Variants in GATAD2B observed in about 807,000 individuals in gnomAD.
GATAD2B encodes the protein transcriptional repressor p66-beta.
In GATAD2B, 8 loss-of-function variants were observed where a neutral mutation model predicts 64.3. That is an observed-to-expected ratio of 0.12 (90% CI 0.07 to 0.22). The LOEUF (loss-of-function observed/expected upper bound fraction) is 0.22, where lower values mean the gene tolerates loss of function less well. Ranked by LOEUF, GATAD2B falls within the 10% of genes least tolerant of loss-of-function variation. GATAD2B has a pLI of 1.00. For synonymous variants in GATAD2B, 281 were observed against 271.3 expected, an observed-to-expected ratio of 1.04 and a Z score of -0.35; for missense variants, 453 against 752.0, an observed-to-expected ratio of 0.60 and a Z score of 4.65.
chr1:153,832,987 G>A (rs1675130435), intron 1 of GATAD2B, among the ~76,000 whole-genome samples: 1 of 152,178 alleles, frequency 6.6e-6, no homozygotes, highest in African/African-American at 2.4e-5. Flanking sequence ...AATATGGCTG[G>A]TGACTTTAAA....
intron 1 of GATAD2B, among the ~76,000 whole-genome samples, chr1:153,888,714 A>C (rs1286824386): frequency 1.3e-5 from 2 of 152,168 alleles, no homozygotes; most frequent in Non-Finnish European, 2.9e-5. Flanking sequence ...GTTTCTAAGC[A>C]CTTGAGTTCT....
chr1:153,919,859 T>C (rs1031039823), intron 1 of GATAD2B, among the ~76,000 whole-genome samples: 2 of 152,210 alleles, frequency 1.3e-5, no homozygotes, highest in Non-Finnish European at 1.5e-5. Flanking sequence ...TGCCTTGATA[T>C]GTAATAATGC....
intron 1 of GATAD2B, among the ~76,000 whole-genome samples, chr1:153,870,834 T>C (rs920465693): frequency 2.0e-5 from 3 of 152,186 alleles, no homozygotes; most frequent in Admixed American, 1.3e-4. Context: ...GTTTCAGGCA[T>C]TTTAGATAAG....
rs1674239196 is a variant in GATAD2B, at chr1:153,810,010, G to A, written c.*167C>T. 1.6e-6 allele frequency: 1 copy of A among 624,848 alleles called. No individual in the cohort carries two copies. 38.7% of individuals were successfully genotyped at this position (624,848 alleles called of 1,614,324 possible). ...GAAATAAAGGGGAGGTGGCAGGGCA[G>A]GGCGTGTGTTTTCTTGCTGATCTCT... On this transcript the variant is annotated 3_prime_UTR_variant, in exon 11 of 11. Coordinates refer to ENST00000368655, the MANE Select transcript of GATAD2B (RefSeq NM_020699.4).
chr1:153,816,240 C>T lies in GATAD2B; in HGVS notation c.1216+33G>A. On this transcript the variant is annotated intron_variant, in intron 7 of 10. Transcript: ENST00000368655. The surrounding 1 kb of genome is among the most constrained non-coding windows in gnomAD (Gnocchi z 4.9). ...GTCAATCAGGCTTGGCAACCACTTGCTTAAATAGATTGATTAGAAGAAACA... is the reference window on the plus strand; with the variant it reads ...GTCAATCAGGCTTGGCAACCACTTGTTTAAATAGATTGATTAGAAGAAACA... 1 of 1,478,632 alleles carries T rather than the reference C, an allele frequency of 6.8e-7. No homozygotes were observed. The highest frequency in any genetic ancestry group is 9.4e-7 in the Non-Finnish European group (1 of 1,061,564). 91.6% of individuals were successfully genotyped at this position (1,478,632 alleles called of 1,614,324 possible).
intron 1 of GATAD2B, among the ~76,000 whole-genome samples, chr1:153,885,601 C>T (rs1172433729): frequency 6.6e-6 from 1 of 151,832 alleles, no homozygotes; most frequent in Non-Finnish European, 1.5e-5. Flanking sequence ...GGCGCGGTGG[C>T]TCATGCCTGT....
At chr1:153,855,179 T>C (rs903302386) in intron 1 of GATAD2B, among the ~76,000 whole-genome samples, 20 of 152,172 alleles carry the variant, frequency 1.3e-4, no homozygotes, top group Non-Finnish European at 2.6e-4. Flanking sequence ...AATAGGAGAT[T>C]GTCCGTATTT....
chr1:153,820,614 C>A (rs571064599), intron 2 of GATAD2B, among the ~76,000 whole-genome samples: 1 of 152,098 alleles, frequency 6.6e-6, no homozygotes, highest in African/African-American at 2.4e-5. Context: ...AGGTCGAGGG[C>A]AATTGTTCTT....
intron 1 of GATAD2B, chr1:153,852,880 T>C: frequency 1.3e-6 from 1 of 774,582 alleles, no homozygotes; most frequent in South Asian, 1.5e-5. Flanking sequence ...GAGCTCTGAT[T>C]TGGTGAGCGC....
At chr1:153,822,153 C>T (rs1168487234) in intron 2 of GATAD2B, among the ~76,000 whole-genome samples, 2 of 151,814 alleles carry the variant, frequency 1.3e-5, no homozygotes, top group East Asian at 3.9e-4. Flanking sequence ...TACACTCCAG[C>T]CTGGGTGACA....
chr1:153,810,539 C>G (rs1278948121), intron 10 of GATAD2B, among the ~76,000 whole-genome samples: 1 of 152,170 alleles, frequency 6.6e-6, no homozygotes, highest in African/African-American at 2.4e-5. Context: ...CCGCTCACCT[C>G]TGCCTCCCAG....
At chr1:153,820,974 ATTTTTTTTTTTTTTTTTTTT>A (rs869096882) in intron 2 of GATAD2B, among the ~76,000 whole-genome samples, 1 of 50,840 alleles carries the variant, frequency 2.0e-5, no homozygotes, top group African/African-American at 8.7e-5. Context: ...GGCACATGGA[ATTTTTTTTTTTTTTTTTTTT>A]TTTTTTTTTT....
At chr1:153,863,411 A>C (rs1676378169) in intron 1 of GATAD2B, among the ~76,000 whole-genome samples, 1 of 151,392 alleles carries the variant, frequency 6.6e-6, no homozygotes, top group African/African-American at 2.4e-5. Flanking sequence ...CAGGAGAATC[A>C]CTTGAACCCA....
intron 1 of GATAD2B, among the ~76,000 whole-genome samples, chr1:153,879,756 T>C (rs181931880): frequency 1.7e-5 from 2 of 115,638 alleles, no homozygotes; most frequent in East Asian, 5.8e-4. Flanking sequence ...AGCGAGACAC[T>C]GTCTACAAAA....
chr1:153,881,906 T>C (rs1020245160), intron 1 of GATAD2B, among the ~76,000 whole-genome samples: 24 of 152,040 alleles, frequency 1.6e-4, no homozygotes, highest in African/African-American at 5.8e-4. Context: ...CCCCCATGCG[T>C]GCCAGCCCCC....
chr1:153,875,467 G>C lies in GATAD2B; in HGVS notation c.-1-47119C>G, dbSNP rs564232845. Among the ~76,000 whole-genome samples, 5 of 152,256 alleles carry C rather than the reference G, an allele frequency of 3.3e-5. No homozygotes were observed. In the South Asian group the frequency reaches 1.0e-3, roughly 32 times the overall value. On this transcript the variant is annotated intron_variant, in intron 1 of 10. Transcript: ENST00000368655. ...AGCCCAAGAGTTGCAGGTTAGACAAGCTTGATCTATACCATGCGGTTCTTA... is the reference window on the plus strand; with the variant it reads ...AGCCCAAGAGTTGCAGGTTAGACAACCTTGATCTATACCATGCGGTTCTTA...
At chr1:153,899,264 TA>T (rs1474692837) in intron 1 of GATAD2B, among the ~76,000 whole-genome samples, 1 of 151,576 alleles carries the variant, frequency 6.6e-6, no homozygotes, top group African/African-American at 2.4e-5. Context: ...TCTCTTAAAA[TA>T]AAAATTTTAA....
At chr1:153,904,204 T>C (rs1677859898) in intron 1 of GATAD2B, among the ~76,000 whole-genome samples, 1 of 151,794 alleles carries the variant, frequency 6.6e-6, no homozygotes, top group Non-Finnish European at 1.5e-5. Flanking sequence ...CATTTGAAAC[T>C]GGAAGACAGA....
At chr1:153,841,488 TA>T (rs1430737120) in intron 1 of GATAD2B, among the ~76,000 whole-genome samples, 1 of 152,222 alleles carries the variant, frequency 6.6e-6, no homozygotes, top group African/African-American at 2.4e-5. Flanking sequence ...TAGAAGCCAC[TA>T]ATCTGTTCTC....
Sources: allele counts gnomAD v4.1 joint callset (sites outside exome capture counted in the v4.1 genomes callset), GRCh38; gene constraint gnomAD v4.1.1; non-coding constraint Gnocchi (gnomAD v3.1); transcripts MANE v1.5; gene names NCBI Gene and HGNC (gene_info 2026-07-23, HGNC 2026-07-21).